Variants in STK39 observed in about 807,000 individuals in gnomAD.
The protein encoded by STK39 is STE20/SPS1-related proline-alanine-rich protein kinase.
STK39 carries 20 observed loss-of-function variants against 77.8 expected under a neutral mutation model. The observed-to-expected ratio is 0.26, with a 90% CI of 0.18 to 0.37. STK39 has a LOEUF of 0.37. Ranked by LOEUF, STK39 falls within the 10% of genes least tolerant of loss-of-function variation. STK39 has a pLI of 1.00. For synonymous variants in STK39, 246 were observed against 234.1 expected, an observed-to-expected ratio of 1.05 and a Z score of -0.47; for missense variants, 479 against 656.5, an observed-to-expected ratio of 0.73 and a Z score of 2.95.
chr2:168,214,420 T>C (rs1262402412), intron 1 of STK39, among the ~76,000 whole-genome samples: 2 of 152,202 alleles, frequency 1.3e-5, no homozygotes, highest in Non-Finnish European at 2.9e-5. Flanking sequence ...TCACATACTG[T>C]TTAATTCCAT....
At chr2:168,069,547 A>AT (rs1365411372) in intron 12 of STK39, among the ~76,000 whole-genome samples, 2 of 152,162 alleles carry the variant, frequency 1.3e-5, no homozygotes, top group Non-Finnish European at 2.9e-5. Flanking sequence ...TTTCTGAAAC[A>AT]TTTTCTTTTT....
At chr2:168,199,168 G>A (rs761437190) in intron 1 of STK39, among the ~76,000 whole-genome samples, 6 of 152,164 alleles carry the variant, frequency 3.9e-5, no homozygotes, top group Non-Finnish European at 7.3e-5. Context: ...TACACCATTC[G>A]GTGGACATGA....
intron 14 of STK39, among the ~76,000 whole-genome samples, chr2:168,027,165 C>A (rs1384648917): frequency 6.6e-6 from 1 of 152,124 alleles, no homozygotes; most frequent in South Asian, 2.1e-4. Context: ...TTGAGAACCA[C>A]TGCTGAACCT....
chr2:168,180,078 G>A (rs1689047515), intron 2 of STK39, among the ~76,000 whole-genome samples: 1 of 152,170 alleles, frequency 6.6e-6, no homozygotes, highest in Admixed American at 6.5e-5. Context: ...CAGGTGCGGT[G>A]GCTCACATCT....
intron 10 of STK39, among the ~76,000 whole-genome samples, chr2:168,089,665 G>A (rs1372366625): frequency 1.3e-5 from 2 of 152,182 alleles, no homozygotes; most frequent in African/African-American, 4.8e-5. Context: ...CCAGGCTGGA[G>A]GGCAATGGCG....
Position 168,075,143 on chromosome 2 carries a change from C to T in STK39, c.1178G>A (p.Ser393Asn), listed in dbSNP as rs201100288. The T allele has an allele frequency of 1.2e-6, 2 of 1,614,196 alleles. No individual in the cohort carries two copies. The highest frequency in any genetic ancestry group is 1.1e-5 in the South Asian group (1 of 91,086). The change falls in exon 11 of 18, where the codon AGC (serine) becomes AAC (asparagine). Residue 393 changes from serine to asparagine, a missense_variant. Transcript: ENST00000355999. Reference protein sequence around the residue: ...EWSDDEMDEKSEEGKAAFSQE... With the variant: ...EWSDDEMDEKNEEGKAAFSQE... ...AGAAAAAGCTGCTTTCCCTTCTTCG[C>T]TCTTCTCATCCATCTCGTCGTCACT...
intron 10 of STK39, among the ~76,000 whole-genome samples, chr2:168,122,480 C>T (rs141535553): frequency 1.3e-5 from 2 of 152,180 alleles, no homozygotes; most frequent in East Asian, 3.9e-4. Context: ...TGCTCTGTTA[C>T]CCAGGCTGGA....
intron 1 of STK39, among the ~76,000 whole-genome samples, chr2:168,213,913 A>G (rs999314844): frequency 6.6e-6 from 1 of 152,196 alleles, no homozygotes; most frequent in Admixed American, 6.5e-5. Flanking sequence ...CTAAAAATCC[A>G]TCAAAGGCTA....
Position 168,100,351 on chromosome 2 carries a change from G to C in STK39, c.1090-25120C>G, listed in dbSNP as rs78419834. Among the ~76,000 whole-genome samples the C allele has an allele frequency of 2.6e-3, 399 of 152,282 alleles. 1 individual carries two copies. Among genetic ancestry groups the C allele is most frequent in the Middle Eastern group, 0.014 (4 of 294 alleles). On this transcript the variant is annotated intron_variant, in intron 10 of 17. Coordinates refer to ENST00000355999, the MANE Select transcript of STK39 (RefSeq NM_013233.3). Reference sequence around the variant, plus strand: ...TAGACTGCAGGGGATCTGGGTTCTAGTTTAGCCAAAGGTAACCACATGATC... The same window carrying C: ...TAGACTGCAGGGGATCTGGGTTCTACTTTAGCCAAAGGTAACCACATGATC...
intron 15 of STK39, among the ~76,000 whole-genome samples, chr2:168,014,311 G>A (rs1268597800): frequency 1.3e-5 from 2 of 151,928 alleles, no homozygotes. Flanking sequence ...ATAGGGAGAC[G>A]CCATCTCTAC....
At chr2:168,085,593 C>T (rs1458949207) in intron 10 of STK39, among the ~76,000 whole-genome samples, 1 of 152,182 alleles carries the variant, frequency 6.6e-6, no homozygotes, top group Non-Finnish European at 1.5e-5. Flanking sequence ...CCTGGAGCTG[C>T]CACAGGATGA....
In STK39 at chr2:167,971,733, G is replaced by C. The variant is rs180836286; in HGVS notation, c.1499-7007C>G. Among the ~76,000 whole-genome samples the C allele has an allele frequency of 1.1e-3, 172 of 152,294 alleles. 3 individuals are homozygous for C. The highest frequency in any genetic ancestry group is 3.8e-3 in the African/African-American group (157 of 41,564). On this transcript the variant is annotated intron_variant, in intron 16 of 17. Coordinates refer to ENST00000355999, the MANE Select transcript of STK39 (RefSeq NM_013233.3). Reference sequence around the variant, plus strand: ...AGCTTAGTTACTATCCCAATACAAAGGAAAAAGACTGCAGCACCAACTGGC... The same window carrying C: ...AGCTTAGTTACTATCCCAATACAAACGAAAAAGACTGCAGCACCAACTGGC...
At chr2:167,969,401 G>C (rs1374205866) in intron 16 of STK39, among the ~76,000 whole-genome samples, 1 of 152,056 alleles carries the variant, frequency 6.6e-6, no homozygotes, top group Non-Finnish European at 1.5e-5. Flanking sequence ...TTTTAACATG[G>C]TCAGTGAGAC....
chr2:168,040,885 AAT>A (rs1178920990), intron 14 of STK39, among the ~76,000 whole-genome samples: 1 of 152,254 alleles, frequency 6.6e-6, no homozygotes, highest in Non-Finnish European at 1.5e-5. Context: ...CACTTAAAAA[AAT>A]AGTCACTGAA....
At chr2:168,228,640 A>C (rs1412129810) in intron 1 of STK39, among the ~76,000 whole-genome samples, 1 of 151,888 alleles carries the variant, frequency 6.6e-6, no homozygotes, top group Non-Finnish European at 1.5e-5. Flanking sequence ...AAAATACAAA[A>C]TTAGCCTAGT....
chr2:168,114,525 C>T (rs1031082722), intron 10 of STK39, among the ~76,000 whole-genome samples: 1 of 152,078 alleles, frequency 6.6e-6, no homozygotes. Flanking sequence ...GTGGGGAAAT[C>T]GAGGCTCAGA....
At chr2:168,096,717 G>T (rs938802269) in intron 10 of STK39, among the ~76,000 whole-genome samples, 1 of 152,064 alleles carries the variant, frequency 6.6e-6, no homozygotes, top group African/African-American at 2.4e-5. Context: ...AAGACATCAG[G>T]CCACAATTTT....
At chr2:168,134,584 G>T (rs1403157064) in intron 8 of STK39, among the ~76,000 whole-genome samples, 1 of 151,854 alleles carries the variant, frequency 6.6e-6, no homozygotes, top group Non-Finnish European at 1.5e-5. Context: ...CAAGATTAAG[G>T]CTCTTTTATT....
At chr2:168,229,098 G>A (rs910150739) in intron 1 of STK39, among the ~76,000 whole-genome samples, 2 of 151,992 alleles carry the variant, frequency 1.3e-5, no homozygotes, top group Non-Finnish European at 2.9e-5. Flanking sequence ...GGCCAGGCGT[G>A]GTGGCTCACA....
Sources: gnomAD v4.1 joint callset for allele counts (sites outside exome capture counted in the v4.1 genomes callset) on GRCh38, gnomAD v4.1.1 for gene constraint, MANE v1.5 for transcripts, NCBI Gene and HGNC (gene_info 2026-07-23, HGNC 2026-07-21) for gene names.